PZP: variants seen among roughly 807,000 people sequenced by gnomAD.
The protein encoded by PZP is pregnancy zone protein.
Under a neutral mutation model 179.8 loss-of-function variants are expected in PZP, and 150 were observed. The ratio of observed to expected loss-of-function variants is 0.83; its 90% CI spans 0.73 to 0.96. The LOEUF (loss-of-function observed/expected upper bound fraction) is 0.96. Ranked by LOEUF, PZP falls within the 40% of genes least tolerant of loss-of-function variation. PZP has a pLI of 0.00. For missense variants in PZP, 1,689 were observed against 1,764.0 expected (o/e 0.96, Z 0.76); for synonymous variants, 624 against 652.3 (o/e 0.96, Z 0.66).
rs141787183 is a variant in PZP, at chr12:9,157,319, A to T, written c.3406T>A (p.Ser1136Thr). Residue 1136 changes from serine to threonine, a missense_variant, in exon 28 of 36, where the codon TCA (serine) becomes ACA (threonine). Around this residue, in one of 3 missense-constraint regions of PZP, gnomAD observed 746 missense variants for 749.2 expected, o/e 1.00. Transcript: ENST00000261336. ...CCCTCCTTTGCTACATTCCAGGCTG[A>T]CTCCAGGCAGAACAGGGCATTGCGA... ...IVRNALFCLE[S>T]AWNVAKEGTH... The T allele has an allele frequency of 7.1e-5, 115 of 1,613,908 alleles. No homozygotes were observed. The highest frequency in any genetic ancestry group is 1.6e-4 in the Middle Eastern group (1 of 6,078).
intron 13 of PZP, among the ~76,000 whole-genome samples, chr12:9,184,554 G>C (rs1298945139): frequency 6.6e-6 from 1 of 152,230 alleles, no homozygotes; most frequent in Non-Finnish European, 1.5e-5. Context: ...TGCCACAGCT[G>C]ATGAGCGTGT....
intron 15 of PZP, among the ~76,000 whole-genome samples, chr12:9,171,498 G>A (rs939374197): frequency 6.6e-6 from 1 of 152,210 alleles, no homozygotes; most frequent in Admixed American, 6.5e-5. Context: ...ACAGAACCGG[G>A]CTGAGGCTAA....
intron 28 of PZP, 123 bp from the exon 29 acceptor site, chr12:9,154,962 A>G (rs2120565225): frequency 2.0e-6 from 2 of 1,024,070 alleles, no homozygotes; most frequent in East Asian, 2.6e-5. Flanking sequence ...AAGGTCTTCT[A>G]TGTCATAAAC....
intron 25 of PZP, 73 bp downstream of exon 25, chr12:9,159,865 T>C (rs1296397981): frequency 7.7e-7 from 1 of 1,298,506 alleles, no homozygotes; most frequent in Non-Finnish European, 1.1e-6. Flanking sequence ...CAACAGAAAA[T>C]GGACTAAGAC....
chr12:9,160,572 T>G, intron 23 of PZP, 82 bp from the exon 24 acceptor site: 1 of 1,266,778 alleles, frequency 7.9e-7, no homozygotes, highest in Non-Finnish European at 1.1e-6. Flanking sequence ...GCCTTTATAT[T>G]CAGAGTCTAT....
At chr12:9,202,406 G>C in intron 3 of PZP, 35 bp from the exon 4 acceptor site, 1 of 1,613,996 alleles carries the variant, frequency 6.2e-7, no homozygotes, top group Non-Finnish European at 8.5e-7. Context: ...ATTCAGACAT[G>C]ATAAAGCAGG....
intron 15 of PZP, among the ~76,000 whole-genome samples, chr12:9,172,477 A>G (rs6487650): frequency 0.083 from 12,620 of 152,218 alleles, 721 homozygotes; most frequent in African/African-American, 0.16. Context: ...TAATTCACCC[A>G]TAAAAATACT....
chr12:9,206,140 C>G (rs1476303341), intron 1 of PZP, among the ~76,000 whole-genome samples: 3 of 152,154 alleles, frequency 2.0e-5, no homozygotes, highest in African/African-American at 7.2e-5. Flanking sequence ...TGCTTCTGAT[C>G]TCCTGATCAC....
Position 9,203,337 on chromosome 12 carries a change from C to CTT in PZP, c.267+429_267+430dup, listed in dbSNP as rs528084441. 4.5e-3 allele frequency among the ~76,000 whole-genome samples: 517 copies of CTT among 114,584 alleles called. 8 individuals are homozygous for CTT. Among genetic ancestry groups the CTT allele is most frequent in the East Asian group, 8.0e-3 (32 of 3,978 alleles). The allele number at this position is 114,584 out of a possible 152,430, so 75.2% of individuals were successfully genotyped here. On this transcript the variant is annotated intron_variant, in intron 2 of 35. Coordinates refer to ENST00000261336, the MANE Select transcript of PZP (RefSeq NM_002864.3). ...CCTTTCTGAAGTCCTAACTACATTC[C>CTT]TTTTTTTTTTTTTTTTTTTTTTGAG...
Position 9,152,908 on chromosome 12 carries a change from G to T in PZP, c.4037C>A (p.Pro1346Gln). ...YNILPEKEDS[P>Q]FALKVQTVPQ... The stretch of plus-strand genomic sequence containing the variant: ...CACAGTCTGCACTTTTAAAGCAAAT[G>T]GGGAGTCCTCTTTCTCTGGAAGAAT... The change falls in exon 31 of 36, where the codon CCA becomes CAA. Residue 1346 changes from proline to glutamine, a missense_variant. Coordinates refer to ENST00000261336, the MANE Select transcript of PZP (RefSeq NM_002864.3). 1 of 1,614,066 alleles carries T rather than the reference G, an allele frequency of 6.2e-7. No homozygotes were observed. The highest frequency in any genetic ancestry group is 1.3e-5 in the African/African-American group (1 of 75,012).
At chr12:9,154,568 C>G (rs1940602095) in intron 29 of PZP, 48 bp downstream of exon 29, 1 of 1,545,376 alleles carries the variant, frequency 6.5e-7, no homozygotes. Flanking sequence ...TTAAGCCTCC[C>G]AATTGCCAAG....
intron 12 of PZP, 30 bp from the exon 13 acceptor site, chr12:9,192,286 C>A: frequency 3.1e-6 from 5 of 1,603,104 alleles, no homozygotes; most frequent in South Asian, 2.2e-5. Context: ...AAGGAAATTT[C>A]TTGAGCTGGA....
At chr12:9,208,094 T>G (rs983060599) in intron 1 of PZP, among the ~76,000 whole-genome samples, 165 bp downstream of exon 1, 1 of 152,084 alleles carries the variant, frequency 6.6e-6, no homozygotes, top group African/African-American at 2.4e-5. Flanking sequence ...ATTTCAAGAA[T>G]AGAGGATAAA....
chr12:9,204,888 A>C (rs751176290), intron 1 of PZP, among the ~76,000 whole-genome samples: 30 of 152,200 alleles, frequency 2.0e-4, no homozygotes, highest in African/African-American at 7.0e-4. Context: ...TGAGGCCAGG[A>C]GTTTGAGAAC....
chr12:9,192,916 A>G (rs969163833), intron 11 of PZP, among the ~76,000 whole-genome samples, 177 bp from the exon 12 acceptor site: 7 of 152,242 alleles, frequency 4.6e-5, no homozygotes, highest in Admixed American at 4.6e-4. Flanking sequence ...AAATATTAAA[A>G]GGAAATCATC....
In PZP at chr12:9,160,003, G is replaced by A. The variant is rs1941056516; in HGVS notation, c.3072C>T (p.Tyr1024=). 1 of 1,613,800 alleles carries A rather than the reference G, an allele frequency of 6.2e-7. No homozygotes were observed. Among genetic ancestry groups the A allele is most frequent in the Admixed American group, 1.7e-5 (1 of 59,998 alleles). The change falls in exon 25 of 36, where the codon TAC becomes TAT. Residue 1024 remains tyrosine, a synonymous_variant. Transcript: ENST00000261336. The part of the protein sequence containing the change: ...LITGYQRQLN[Y]KHQDGSYSTF... Reference sequence around the variant, plus strand: ...TGCTGTAGGAGCCATCTTGGTGTTTGTAGTTCAGCTGTCTCTGGTAACCTG... The same window carrying A: ...TGCTGTAGGAGCCATCTTGGTGTTTATAGTTCAGCTGTCTCTGGTAACCTG...
At chr12:9,156,661 A>G (rs1940776577) in intron 28 of PZP, among the ~76,000 whole-genome samples, 1 of 152,228 alleles carries the variant, frequency 6.6e-6, no homozygotes, top group Admixed American at 6.5e-5. Flanking sequence ...ATTTATCTGC[A>G]GCATTATGTC....
intron 15 of PZP, among the ~76,000 whole-genome samples, chr12:9,178,761 C>T (rs1427115069): frequency 6.6e-6 from 1 of 152,168 alleles, no homozygotes; most frequent in African/African-American, 2.4e-5. Flanking sequence ...TCATTGGGTT[C>T]AGTGCTATCC....
intron 12 of PZP, 100 bp from the exon 13 acceptor site, chr12:9,192,356 G>T: frequency 7.5e-7 from 1 of 1,341,694 alleles, no homozygotes; most frequent in South Asian, 1.2e-5. Context: ...GTCTGTGCTG[G>T]AGAGAATCAA....
Sources: gnomAD v4.1 joint callset for allele counts (sites outside exome capture counted in the v4.1 genomes callset) on GRCh38, gnomAD v4.1.1 for gene constraint, gnomAD v4.1.1 regional missense constraint, MANE v1.5 for transcripts, NCBI Gene and HGNC (gene_info 2026-07-23, HGNC 2026-07-21) for gene names.